The following DPP6 variants were observed in gnomAD, a reference collection of about 807,000 sequenced individuals.
DPP6 encodes the protein dipeptidyl peptidase like 6.
Under a neutral mutation model 122.6 loss-of-function variants are expected in DPP6, and 69 were observed. The observed-to-expected ratio is 0.56, with a 90% CI of 0.46 to 0.69. The LOEUF (loss-of-function observed/expected upper bound fraction) is 0.69. Ranked by LOEUF, DPP6 falls within the 30% of genes least tolerant of loss-of-function variation. The pLI, the probability that DPP6 is intolerant of heterozygous loss-of-function variation, is 0.00. For missense variants in DPP6, 928 were observed against 1,116.9 expected, an observed-to-expected ratio of 0.83 and a Z score of 2.41; for synonymous variants, 418 against 433.1, an observed-to-expected ratio of 0.97 and a Z score of 0.43.
At position 154,489,409 on chromosome 7, in the gene DPP6, C is replaced by T. The variant is rs1437757198; in HGVS notation, c.457+14372C>T. On this transcript the variant is annotated intron_variant, in intron 3 of 25. Transcript: ENST00000377770. ...GACGCTGTTCTGAGATTGGTGTAGACCTTTCTAATATCCGGCACTTTGCAG... is the reference window on the plus strand; with the variant it reads ...GACGCTGTTCTGAGATTGGTGTAGATCTTTCTAATATCCGGCACTTTGCAG... Among the ~76,000 whole-genome samples the T allele has an allele frequency of 2.0e-5, 3 of 152,108 alleles. No homozygotes were observed. In the South Asian group the frequency reaches 6.2e-4, roughly 32 times the overall value.
intron 1 of DPP6, among the ~76,000 whole-genome samples, chr7:154,445,650 G>C (rs1819798876): frequency 6.6e-6 from 1 of 152,114 alleles, no homozygotes; most frequent in South Asian, 2.1e-4. Context: ...CTTGAATGAG[G>C]AGCTATGGAA....
chr7:154,308,447 G>A (rs1297480793), intron 1 of DPP6, among the ~76,000 whole-genome samples: 1 of 152,122 alleles, frequency 6.6e-6, no homozygotes, highest in African/African-American at 2.4e-5. Context: ...AGATGCTAAA[G>A]TTTATTTTTA....
intron 1 of DPP6, among the ~76,000 whole-genome samples, chr7:154,073,889 G>A (rs1413817879): frequency 1.3e-5 from 2 of 152,204 alleles, no homozygotes; most frequent in Admixed American, 6.5e-5. Context: ...GGGAGGCTGA[G>A]GCAGGAGAAT....
At chr7:154,522,827 G>A (rs1207040187) in intron 3 of DPP6, among the ~76,000 whole-genome samples, 2 of 152,144 alleles carry the variant, frequency 1.3e-5, no homozygotes, top group Admixed American at 1.3e-4. Flanking sequence ...ACAATTAGTG[G>A]GTGTTATGGG....
chr7:154,665,249 G>T (rs1208907707), intron 6 of DPP6, among the ~76,000 whole-genome samples: 1 of 152,134 alleles, frequency 6.6e-6, no homozygotes, highest in Non-Finnish European at 1.5e-5. Flanking sequence ...TATCCAATGG[G>T]CTCCAGTGAT....
chr7:153,749,955 TTTTG>T, the DPP6 span, among the ~76,000 whole-genome samples: 1 of 152,232 alleles, frequency 6.6e-6, no homozygotes, highest in Non-Finnish European at 1.5e-5. The surrounding 1 kb of genome is among the most constrained non-coding windows in gnomAD (Gnocchi z 4.1). Flanking sequence ...CGACACCTAT[TTTTG>T]TGTGTACACT....
rs1158151352 is a variant in DPP6 at position 154,821,811 on chromosome 7, C to T, written c.1666+14699C>T. ...GTTCAATCAAAGGAAACAGTAAGAC[C>T]ATTTTGGTGACTACAAAATGTAAAC... is the stretch of plus-strand genomic sequence containing the variant. On this transcript the variant is annotated intron_variant, in intron 16 of 25. Transcript: ENST00000377770. The surrounding 1 kb of genome is among the most constrained non-coding windows in gnomAD (Gnocchi z 4.2). Among the ~76,000 whole-genome samples, 1 of 151,670 alleles carries T rather than the reference C, an allele frequency of 6.6e-6. No individual in the cohort carries two copies.
intron 1 of DPP6, among the ~76,000 whole-genome samples, chr7:154,386,319 C>A (rs1253556939): frequency 2.6e-5 from 4 of 152,038 alleles, no homozygotes; most frequent in Non-Finnish European, 5.9e-5. Context: ...CCCCACCATG[C>A]TTCTGTCTGT....
intron 9 of DPP6, among the ~76,000 whole-genome samples, chr7:154,770,237 A>G (rs113695695): frequency 2.0e-4 from 31 of 152,332 alleles, no homozygotes; most frequent in African/African-American, 7.5e-4. Flanking sequence ...CCTCACGATC[A>G]TGTCAGAAGG....
intron 4 of DPP6, among the ~76,000 whole-genome samples, chr7:154,564,558 A>C (rs1453039365): frequency 6.6e-6 from 1 of 152,252 alleles, no homozygotes; most frequent in Admixed American, 6.5e-5. Flanking sequence ...TAAAATTTGT[A>C]AACTGTTCAC....
chr7:154,769,907 C>A (rs753140947), intron 9 of DPP6, among the ~76,000 whole-genome samples: 1 of 152,148 alleles, frequency 6.6e-6, no homozygotes, highest in Non-Finnish European at 1.5e-5. Flanking sequence ...TTGAGTTTGG[C>A]CTCTGGGAAG....
chr7:153,842,202 A>G, the DPP6 span, among the ~76,000 whole-genome samples: 1 of 152,228 alleles, frequency 6.6e-6, no homozygotes, highest in Non-Finnish European at 1.5e-5. Context: ...TCCAAGAAGC[A>G]TTATTTAGAA....
chr7:154,735,189 C>A (rs2131390128), intron 8 of DPP6, among the ~76,000 whole-genome samples: 1 of 152,316 alleles, frequency 6.6e-6, no homozygotes, highest in African/African-American at 2.4e-5. Context: ...ATGTTGAACA[C>A]CTCTTCAAGA....
At chr7:154,449,185 G>A (rs1340997669) in intron 2 of DPP6, among the ~76,000 whole-genome samples, 1 of 151,956 alleles carries the variant, frequency 6.6e-6, no homozygotes, top group Non-Finnish European at 1.5e-5. Context: ...TAAAGGTCTA[G>A]TATCTAGAAT....
At position 154,007,584 on chromosome 7, in the gene DPP6, C is replaced by T. The variant is rs535291663; in HGVS notation, c.51+119850C>T. Among the ~76,000 whole-genome samples, 27 of 152,210 alleles carry T rather than the reference C, an allele frequency of 1.8e-4. No homozygotes were observed. The South Asian group carries it at 2.3e-3, about 13-fold the overall frequency. On this transcript the variant is annotated intron_variant, in intron 1 of 25. Coordinates refer to the DPP6 transcript ENST00000404039. ...TTCCTGTCCCCATTTTAGATGAGGC[C>T]GCAAGTACTTAGAGTGAAAATTTGT...
chr7:154,455,794 A>G (rs547336877), intron 2 of DPP6, among the ~76,000 whole-genome samples: 9 of 152,310 alleles, frequency 5.9e-5, no homozygotes, highest in Admixed American at 3.3e-4. Context: ...CTACATATTT[A>G]TCTATAAATG....
At chr7:154,597,174 C>CAGAG (rs10625377) in intron 5 of DPP6, among the ~76,000 whole-genome samples, 5,334 of 148,986 alleles carry the variant, frequency 0.036, 321 homozygotes, top group African/African-American at 0.12. Flanking sequence ...GGAGAGAAGA[C>CAGAG]AGAGAGAGAG....
chr7:154,670,149 C>T (rs28447185), intron 7 of DPP6, among the ~76,000 whole-genome samples: 58,125 of 140,878 alleles, frequency 0.41, 11,343 homozygotes, highest in South Asian at 0.46. Context: ...CGTGAGCTAC[C>T]GTGCCCAGCC....
intron 1 of DPP6, among the ~76,000 whole-genome samples, chr7:154,439,875 T>A (rs1461344253): frequency 6.6e-6 from 1 of 152,096 alleles, no homozygotes; most frequent in Non-Finnish European, 1.5e-5. Flanking sequence ...CAAATGTATT[T>A]GAGAAAAGTA....
Sources: allele counts gnomAD v4.1 joint callset (sites outside exome capture counted in the v4.1 genomes callset), GRCh38; gene constraint gnomAD v4.1.1; non-coding constraint Gnocchi (gnomAD v3.1); transcripts MANE v1.5; gene names NCBI Gene and HGNC (gene_info 2026-07-23, HGNC 2026-07-21).